Variants in STX8 observed in about 807,000 individuals in gnomAD.
The protein encoded by STX8 is syntaxin 8.
A neutral mutation model predicts 37.5 loss-of-function variants in STX8; 23 were observed. That is an observed-to-expected ratio of 0.61 (90% CI 0.44 to 0.87). The LOEUF (loss-of-function observed/expected upper bound fraction) is 0.87. Ranked by LOEUF, STX8 falls within the 40% of genes least tolerant of loss-of-function variation. The pLI is 0.00. For synonymous variants in STX8, 115 were observed against 99.1 expected, an observed-to-expected ratio of 1.16 and a Z score of -0.95; for missense variants, 313 against 284.7, an observed-to-expected ratio of 1.10 and a Z score of -0.71.
At chr17:9,473,934 G>C (rs1429555462) in intron 6 of STX8, among the ~76,000 whole-genome samples, 1 of 152,186 alleles carries the variant, frequency 6.6e-6, no homozygotes, top group Non-Finnish European at 1.5e-5. Context: ...GAAAGGGCTA[G>C]CCATACCAAT....
intron 6 of STX8, among the ~76,000 whole-genome samples, chr17:9,405,416 T>C (rs1912767855): frequency 6.6e-6 from 1 of 152,168 alleles, no homozygotes; most frequent in African/African-American, 2.4e-5. Context: ...ACTGGTAAGG[T>C]ACTCCCTGAC....
At chr17:9,420,923 G>T (rs1476688979) in intron 6 of STX8, among the ~76,000 whole-genome samples, 1 of 152,078 alleles carries the variant, frequency 6.6e-6, no homozygotes, top group East Asian at 1.9e-4. Context: ...TACATTAGGG[G>T]GTGGAAATGG....
At chr17:9,461,546 C>T (rs17741858) in intron 6 of STX8, among the ~76,000 whole-genome samples, 2,925 of 152,184 alleles carry the variant, frequency 0.019, 47 homozygotes, top group Non-Finnish European at 0.026. Flanking sequence ...GGAGGCTAAA[C>T]TATTCAGGCT....
intron 4 of STX8, among the ~76,000 whole-genome samples, chr17:9,544,789 G>A (rs985640680): frequency 2.0e-5 from 3 of 152,100 alleles, no homozygotes; most frequent in Admixed American, 6.5e-5. Context: ...TCAGGAGATC[G>A]AGACCATCCT....
chr17:9,538,899 A>T (rs1906164704), intron 4 of STX8, among the ~76,000 whole-genome samples: 1 of 152,068 alleles, frequency 6.6e-6, no homozygotes, highest in South Asian at 2.1e-4. Context: ...AGATTTAACT[A>T]ATTGTGAGAT....
At chr17:9,322,082 T>C (rs1909595393) in intron 7 of STX8, among the ~76,000 whole-genome samples, 2 of 152,226 alleles carry the variant, frequency 1.3e-5, no homozygotes. Context: ...ATTCACTTAT[T>C]TCTATCAGAA....
chr17:9,289,350 T>C (rs1908221698), intron 7 of STX8, among the ~76,000 whole-genome samples: 1 of 151,984 alleles, frequency 6.6e-6, no homozygotes, highest in South Asian at 2.1e-4. Context: ...AAAGAGTTGA[T>C]GGAAAGTCTC....
intron 6 of STX8, among the ~76,000 whole-genome samples, chr17:9,432,454 C>T (rs181512761): frequency 1.3e-5 from 2 of 151,938 alleles, no homozygotes. Context: ...TAACATCTCC[C>T]GATTTCCACT....
chr17:9,282,725 C>T (rs573416964), intron 7 of STX8, among the ~76,000 whole-genome samples: 3 of 152,276 alleles, frequency 2.0e-5, no homozygotes, highest in East Asian at 1.9e-4. Context: ...TTCTTCCCTA[C>T]GAGACACTCC....
intron 3 of STX8, chr17:9,554,817 A>C (rs1906902246): frequency 6.6e-6 from 1 of 151,780 alleles, no homozygotes; most frequent in Non-Finnish European, 1.5e-5. Flanking sequence ...AGGCAGGAAA[A>C]TCGCTTGAAC....
chr17:9,444,239 T>C (rs904172185), intron 6 of STX8, among the ~76,000 whole-genome samples: 2 of 152,174 alleles, frequency 1.3e-5, no homozygotes, highest in African/African-American at 2.4e-5. Context: ...TCCTCCCACT[T>C]TGGCCTCCCA....
At chr17:9,569,452 T>A (rs1907597023) in intron 1 of STX8, 1 of 154,184 alleles carries the variant, frequency 6.5e-6, no homozygotes, top group Admixed American at 6.6e-5. Context: ...GCAAGTATTG[T>A]CTAGCCTAAA....
chr17:9,456,607 G>A (rs1384850889), intron 6 of STX8, among the ~76,000 whole-genome samples: 1 of 152,044 alleles, frequency 6.6e-6, no homozygotes, highest in Non-Finnish European at 1.5e-5. Context: ...AAATCATCTG[G>A]ATTTGTAAAA....
At chr17:9,355,127 C>T (rs765884397) in intron 7 of STX8, among the ~76,000 whole-genome samples, 15 of 152,032 alleles carry the variant, frequency 9.9e-5, no homozygotes, top group Non-Finnish European at 1.5e-4. Context: ...TTTTTTATTT[C>T]ATTTCTTAAG....
At chr17:9,394,095 GCAAAAA>G (rs1022553859) in intron 6 of STX8, among the ~76,000 whole-genome samples, 23 of 152,090 alleles carry the variant, frequency 1.5e-4, no homozygotes, top group Non-Finnish European at 2.9e-4. Context: ...AAAGCAAGTG[GCAAAAA>G]CAAAAACAAA....
intron 6 of STX8, among the ~76,000 whole-genome samples, chr17:9,485,120 C>T (rs1158298628): frequency 8.2e-5 from 6 of 73,252 alleles, no homozygotes; most frequent in Admixed American, 1.9e-4. Context: ...AAGACCTTGT[C>T]GCTTAGAAAA....
At chr17:9,329,378 C>T (rs1230808412) in intron 7 of STX8, among the ~76,000 whole-genome samples, 2 of 152,202 alleles carry the variant, frequency 1.3e-5, no homozygotes, top group African/African-American at 4.8e-5. Context: ...TTTTCCAACA[C>T]TTGAAATGAA....
At chr17:9,322,240 GTCA>G in intron 7 of STX8, among the ~76,000 whole-genome samples, 1 of 152,206 alleles carries the variant, frequency 6.6e-6, no homozygotes, top group Non-Finnish European at 1.5e-5. Flanking sequence ...TCAACTCTAG[GTCA>G]TTACAAAGAG....
rs546803324 is a variant in STX8 at position 9,398,255 on chromosome 17, A to T, written c.542-19602T>A. Among the ~76,000 whole-genome samples the T allele has an allele frequency of 2.6e-5, 4 of 152,364 alleles. No homozygotes were observed. The South Asian group carries it at 8.3e-4, about 32-fold the overall frequency. ...GAGGTCAACATTAGTTACAAATCAC[A>T]TTCACAGTATGTGACATATCTTGAT... On this transcript the variant is annotated intron_variant, in intron 6 of 7. Coordinates refer to ENST00000306357, the MANE Select transcript of STX8 (RefSeq NM_004853.3).
Sources: gnomAD v4.1 joint callset for allele counts (sites outside exome capture counted in the v4.1 genomes callset) on GRCh38, gnomAD v4.1.1 for gene constraint, MANE v1.5 for transcripts, NCBI Gene and HGNC (gene_info 2026-07-23, HGNC 2026-07-21) for gene names.